Variants in FLVCR2 observed in about 807,000 individuals in gnomAD.
The protein encoded by FLVCR2 is FLVCR choline and putative heme transporter 2.
FLVCR2 carries 38 observed loss-of-function variants against 48.9 expected under a neutral mutation model. The ratio of observed to expected loss-of-function variants is 0.78; its 90% confidence interval spans 0.60 to 1.02. The LOEUF is 1.02. Ranked by LOEUF, FLVCR2 falls within the 50% of genes least tolerant of loss-of-function variation. The pLI is 0.00. For missense variants in FLVCR2, 664 were observed against 663.3 expected (o/e 1.00, Z -0.01); for synonymous variants, 255 against 257.0 (o/e 0.99, Z 0.07).
At chr14:75,638,483 G>C (rs568630509) in intron 5 of FLVCR2, among the ~76,000 whole-genome samples, 61 of 152,262 alleles carry the variant, frequency 4.0e-4, no homozygotes, top group African/African-American at 1.4e-3. Context: ...GCTTTGCTGG[G>C]TCTGTTGGTC....
rs570097383 is a variant in FLVCR2 at position 75,614,566 on chromosome 14, G to T, written c.670-7513G>T. Among the ~76,000 whole-genome samples the T allele has an allele frequency of 2.0e-5, 3 of 152,322 alleles. No individual in the cohort carries two copies. The South Asian group carries it at 6.2e-4, about 32-fold the overall frequency. Reference sequence around the variant, plus strand: ...AAGGTATAGACGAGATGATGGGAAGGTTGGAATCATGACTTGTTCAATCTG... The same window carrying T: ...AAGGTATAGACGAGATGATGGGAAGTTTGGAATCATGACTTGTTCAATCTG... On this transcript the variant is annotated intron_variant, in intron 1 of 9. Coordinates refer to ENST00000238667, the MANE Select transcript of FLVCR2 (RefSeq NM_017791.3).
chr14:75,588,667 T>G (rs898114672), intron 1 of FLVCR2, among the ~76,000 whole-genome samples: 1 of 152,100 alleles, frequency 6.6e-6, no homozygotes, highest in African/African-American at 2.4e-5. Context: ...TTAGGAGAGA[T>G]AGGGTTTCAC....
chr14:75,585,271 G>T (rs1228374038), intron 1 of FLVCR2, among the ~76,000 whole-genome samples: 1 of 152,178 alleles, frequency 6.6e-6, no homozygotes, highest in African/African-American at 2.4e-5. Context: ...TGGATGTCAG[G>T]CACCTCAGAC....
At chr14:75,586,744 A>G (rs1211536552) in intron 1 of FLVCR2, among the ~76,000 whole-genome samples, 1 of 151,526 alleles carries the variant, frequency 6.6e-6, no homozygotes, top group Non-Finnish European at 1.5e-5. Context: ...CTTCTTACAT[A>G]CTCCACGGGA....
At chr14:75,589,290 T>C (rs1374761044) in intron 1 of FLVCR2, among the ~76,000 whole-genome samples, 1 of 152,126 alleles carries the variant, frequency 6.6e-6, no homozygotes, top group Non-Finnish European at 1.5e-5. Context: ...AGGATAGACA[T>C]TCACACATAC....
At chr14:75,597,758 T>C (rs1394661434) in intron 1 of FLVCR2, among the ~76,000 whole-genome samples, 2 of 151,980 alleles carry the variant, frequency 1.3e-5, no homozygotes, top group African/African-American at 2.4e-5. Flanking sequence ...TTAGTAGAGA[T>C]AGGGTTTCAC....
At chr14:75,631,870 G>A (rs972798235) in intron 3 of FLVCR2, 1 of 455,766 alleles carries the variant, frequency 2.2e-6, no homozygotes, top group African/African-American at 2.0e-5. Context: ...TGAATGAGAT[G>A]TTGCTGAGAG....
chr14:75,625,253 T>A (rs922464609), intron 3 of FLVCR2, among the ~76,000 whole-genome samples: 1 of 152,086 alleles, frequency 6.6e-6, no homozygotes, highest in Non-Finnish European at 1.5e-5. Flanking sequence ...TCTTGCCACA[T>A]GAGTCACTCC....
intron 1 of FLVCR2, among the ~76,000 whole-genome samples, chr14:75,612,147 G>T (rs1467138737): frequency 2.0e-5 from 3 of 152,134 alleles, no homozygotes; most frequent in Non-Finnish European, 4.4e-5. Context: ...AAAATAAAAT[G>T]ATTCAAAGAG....
At position 75,589,992 on chromosome 14, in the gene FLVCR2, C is replaced by T. The variant is rs192090729; in HGVS notation, c.669+10351C>T. Among the ~76,000 whole-genome samples the T allele has an allele frequency of 4.5e-3, 692 of 152,204 alleles. 10 individuals are homozygous for T. The South Asian group carries it at 0.06, about 13-fold the overall frequency. On this transcript the variant is annotated intron_variant, in intron 1 of 9. Transcript: ENST00000238667. ...GATTTTGTGTTGCCATAATAATGCC[C>T]GAGACTGAGTAACTAAGAAAAGAGA...
At chr14:75,585,437 T>C (rs2140004279) in intron 1 of FLVCR2, among the ~76,000 whole-genome samples, 1 of 151,868 alleles carries the variant, frequency 6.6e-6, no homozygotes, top group South Asian at 2.1e-4. Flanking sequence ...CAGGTGTGAG[T>C]TGAAGAGGTT....
chr14:75,595,858 C>G, intron 1 of FLVCR2: 1 of 1,013,630 alleles, frequency 9.9e-7, no homozygotes, highest in Non-Finnish European at 1.6e-6. Flanking sequence ...GTCCCCCTGA[C>G]TTTCCTCATT....
intron 3 of FLVCR2, among the ~76,000 whole-genome samples, chr14:75,627,173 A>T (rs191553050): frequency 7.1e-4 from 108 of 152,058 alleles, no homozygotes; most frequent in Non-Finnish European, 1.2e-3. Context: ...CGTGGTCTTT[A>T]ATCTGACAAA....
At position 75,624,699 on chromosome 14, in the gene FLVCR2, C is replaced by T; in HGVS notation, c.899C>T (p.Ser300Phe). 2 of 1,614,130 alleles carry T rather than the reference C, an allele frequency of 1.2e-6. No homozygotes were observed. The highest frequency in any genetic ancestry group is 1.7e-6 in the Non-Finnish European group (2 of 1,180,012). ...TCTCCTGATGCCTCATACTTAGGTT[C>T]CATCGCCCGGCTCTTCAAAAATCTC... ...LTSPDASYLG[S>F]IARLFKNLNF... Residue 300 changes from serine to phenylalanine, a missense_variant, in exon 3 of 10, where the codon TCC becomes TTC. Transcript: ENST00000238667.
intron 1 of FLVCR2, among the ~76,000 whole-genome samples, chr14:75,621,209 G>T (rs187228909): frequency 1.8e-3 from 271 of 152,106 alleles, no homozygotes; most frequent in African/African-American, 6.1e-3. Context: ...GTCAAGAGAT[G>T]GAGACCATCC....
rs565575778 is a variant in FLVCR2 at position 75,636,354 on chromosome 14, G to A, written c.1124+1341G>A. On this transcript the variant is annotated intron_variant, in intron 5 of 9. Transcript: ENST00000238667. ...CTGGCTCGGCTTAATTACTGCTGGC[G>A]GGGCTTGGCTGCCATCTCATCGCTG... 3.5e-4 allele frequency among the ~76,000 whole-genome samples: 54 copies of A among 152,302 alleles called. 2 individuals carry two copies. The highest frequency in any genetic ancestry group is 1.2e-3 in the African/African-American group (50 of 41,558).
In FLVCR2 at chr14:75,645,033, GGTGTGT is replaced by G. The variant is rs71119379; in HGVS notation, c.1510-1329_1510-1324del. 2.8e-3 allele frequency among the ~76,000 whole-genome samples: 36 copies of G among 13,074 alleles called. 3 individuals are homozygous for G. The highest frequency in any genetic ancestry group is 0.027 in the Admixed American group (21 of 766). 8.6% of individuals were successfully genotyped at this position (13,074 alleles called of 152,430 possible). ...TGATGGCTTTGGAGGAGGCGGGCGT[GGTGTGT>G]GTGTGTGTGTGTGTGTGTGTGTGTG... On this transcript the variant is annotated intron_variant, in intron 9 of 9. Coordinates refer to ENST00000238667, the MANE Select transcript of FLVCR2 (RefSeq NM_017791.3).
In FLVCR2 at chr14:75,579,005, C is replaced by T; in HGVS notation, c.33C>T (p.Ser11=). 2 of 1,614,106 alleles carry T rather than the reference C, an allele frequency of 1.2e-6. No individual in the cohort carries two copies. The highest frequency in any genetic ancestry group is 1.7e-6 in the Non-Finnish European group (2 of 1,179,994). Residue 11 remains serine (S), a synonymous_variant, in exon 1 of 10, where the codon AGC becomes AGT. Transcript: ENST00000238667. MVNEGPNQEE[S]DDTPVPESAL... The stretch of plus-strand genomic sequence containing the variant: ...ATGAAGGTCCCAACCAGGAAGAGAG[C>T]GATGACACCCCTGTGCCGGAGTCCG...
chr14:75,633,953 A>T (rs1187966643), intron 4 of FLVCR2, among the ~76,000 whole-genome samples: 1 of 151,998 alleles, frequency 6.6e-6, no homozygotes, highest in African/African-American at 2.4e-5. Flanking sequence ...TTTTTCTGCA[A>T]AAGAAGCATA....
Sources: gnomAD v4.1 joint callset for allele counts (sites outside exome capture counted in the v4.1 genomes callset) on GRCh38, gnomAD v4.1.1 for gene constraint, MANE v1.5 for transcripts, NCBI Gene and HGNC (gene_info 2026-07-23, HGNC 2026-07-21) for gene names.